Variants in FRMPD4 observed in about 807,000 individuals in gnomAD.
FRMPD4 encodes FERM and PDZ domain containing 4, also known as FERM and PDZ domain-containing protein 4.
A neutral mutation model predicts 94.1 loss-of-function variants in FRMPD4; 22 were observed. That is an observed-to-expected ratio of 0.23 (90% CI 0.17 to 0.33). The LOEUF is 0.33. Among genes scored for constraint, FRMPD4 ranks in the 10% least tolerant of loss-of-function variants. The pLI, the probability that FRMPD4 is intolerant of heterozygous loss-of-function variation, is 1.00. For missense variants in FRMPD4, 1,111 were observed against 1,339.9 expected, an observed-to-expected ratio of 0.83 and a Z score of 2.67; for synonymous variants, 631 against 548.6, an observed-to-expected ratio of 1.15 and a Z score of -2.10.
intron 2 of FRMPD4, among the ~76,000 whole-genome samples, chrX:12,591,984 C>A (rs1195111423): frequency 9.0e-6 from 1 of 111,547 alleles, no homozygotes; most frequent in Non-Finnish European, 1.9e-5. Flanking sequence ...TCATAGAAAC[C>A]AGATTTCCTC....
At chrX:12,100,982 C>T (rs958558283) in intron 3 of FRMPD4, among the ~76,000 whole-genome samples, 5 of 112,071 alleles carry the variant, frequency 4.5e-5, no homozygotes, top group African/African-American at 6.5e-5. Flanking sequence ...CTCTTACAAA[C>T]GTATTTAAGA....
chrX:12,565,794 A>G (rs1293070429), intron 2 of FRMPD4, among the ~76,000 whole-genome samples: 1 of 112,144 alleles, frequency 8.9e-6, no homozygotes, highest in Admixed American at 9.5e-5. Context: ...CAAATGTACC[A>G]TGCCAACATA....
rs140302200 is a variant in FRMPD4 at position 12,695,699 on chromosome X, G to A, written c.933+1245G>A. 3.7e-3 allele frequency among the ~76,000 whole-genome samples: 397 copies of A among 106,252 alleles called. 4 individuals are homozygous for A. Among genetic ancestry groups the A allele is most frequent in the African/African-American group, 0.013 (376 of 28,897 alleles). The allele number at this position is 106,252 out of a possible 115,157, so 92.3% of individuals were successfully genotyped here. On this transcript the variant is annotated intron_variant, in intron 9 of 16. Transcript: ENST00000675598. ...ATTACAGGCGTGAGCCACCGTGCCC[G>A]GCCTGTAACTCTTATTATCTTCTTC...
intron 1 of FRMPD4, among the ~76,000 whole-genome samples, chrX:12,261,508 C>T (rs1040345154): frequency 1.8e-5 from 2 of 111,498 alleles, no homozygotes; most frequent in African/African-American, 3.3e-5. Flanking sequence ...GAAGAGACTA[C>T]TGGAAGCTAA....
At chrX:12,538,854 A>G (rs1332428343) in intron 2 of FRMPD4, among the ~76,000 whole-genome samples, 3 of 108,361 alleles carry the variant, frequency 2.8e-5, no homozygotes, top group African/African-American at 9.8e-5. Context: ...AAAGATGGGG[A>G]AAAAACATAG....
At chrX:12,258,415 T>G (rs1243333664) in intron 1 of FRMPD4, among the ~76,000 whole-genome samples, 3 of 111,297 alleles carry the variant, frequency 2.7e-5, no homozygotes, top group African/African-American at 9.8e-5. Flanking sequence ...TCTCTTACCA[T>G]GTGATGCCTT....
chrX:12,588,858 A>AT (rs753388591), intron 2 of FRMPD4, among the ~76,000 whole-genome samples: 1 of 112,275 alleles, frequency 8.9e-6, no homozygotes, highest in Middle Eastern at 4.2e-3. Flanking sequence ...ACACACATAC[A>AT]TTTTTTTCTT....
At chrX:12,367,020 G>A (rs1440589950) in intron 1 of FRMPD4, among the ~76,000 whole-genome samples, 1 of 111,599 alleles carries the variant, frequency 9.0e-6, no homozygotes, top group Non-Finnish European at 1.9e-5. Flanking sequence ...CACAGACTCT[G>A]CACTTCAGGC....
At chrX:12,120,172 G>A (rs1256584879) in intron 3 of FRMPD4, among the ~76,000 whole-genome samples, 2 of 112,052 alleles carry the variant, frequency 1.8e-5, no homozygotes, top group Non-Finnish European at 3.8e-5. Flanking sequence ...TATAAGAAAA[G>A]AGAACTATGT....
At chrX:12,692,502 C>T (rs1218791340) in intron 8 of FRMPD4, among the ~76,000 whole-genome samples, 1 of 112,223 alleles carries the variant, frequency 8.9e-6, no homozygotes, top group East Asian at 2.8e-4. Flanking sequence ...CCCAATGGAA[C>T]TTTTAAGCAA....
chrX:12,509,521 G>A (rs762058960), intron 2 of FRMPD4, among the ~76,000 whole-genome samples: 192 of 111,864 alleles, frequency 1.7e-3, no homozygotes, highest in African/African-American at 5.9e-3. Context: ...ACTCATAAGT[G>A]GGAGCTAAGC....
intron 3 of FRMPD4, among the ~76,000 whole-genome samples, chrX:12,005,244 C>T (rs1191371609): frequency 5.5e-5 from 6 of 108,339 alleles, no homozygotes; most frequent in Non-Finnish European, 1.2e-4. Flanking sequence ...ACCCCACTCC[C>T]ACAGGTTCCG....
intron 2 of FRMPD4, among the ~76,000 whole-genome samples, chrX:12,596,614 G>C (rs1045171634): frequency 5.5e-5 from 6 of 109,910 alleles, no homozygotes; most frequent in African/African-American, 2.0e-4. Context: ...CTAGCTTCTA[G>C]CGGGAGTGCA....
At chrX:12,071,267 T>C (rs1229013486) in intron 3 of FRMPD4, among the ~76,000 whole-genome samples, 1 of 110,124 alleles carries the variant, frequency 9.1e-6, no homozygotes, top group African/African-American at 3.3e-5. Flanking sequence ...ATGTCCCTCT[T>C]GCACCTTTCC....
intron 1 of FRMPD4, among the ~76,000 whole-genome samples, chrX:12,381,712 C>T (rs761171536): frequency 8.9e-6 from 1 of 112,012 alleles, no homozygotes; most frequent in African/African-American, 3.2e-5. Flanking sequence ...TATAAATGGA[C>T]TGCTGACACG....
At chrX:12,378,050 C>T (rs1282184855) in intron 1 of FRMPD4, among the ~76,000 whole-genome samples, 2 of 112,207 alleles carry the variant, frequency 1.8e-5, no homozygotes, top group Non-Finnish European at 1.9e-5. Flanking sequence ...CCTCAGTGCG[C>T]ACCCAAGGTA....
chrX:12,434,915 G>A (rs924502303), intron 1 of FRMPD4, among the ~76,000 whole-genome samples: 3 of 112,601 alleles, frequency 2.7e-5, no homozygotes, highest in African/African-American at 9.7e-5. Flanking sequence ...CATGTTAATT[G>A]TAGGATCTTT....
intron 3 of FRMPD4, among the ~76,000 whole-genome samples, chrX:11,925,621 T>A (rs1029185936): frequency 2.7e-5 from 3 of 111,838 alleles, no homozygotes; most frequent in South Asian, 3.7e-4. Context: ...TACAATTACA[T>A]GGAAATCGAA....
At chrX:12,615,026 C>T (rs1188338968) in intron 4 of FRMPD4, 145 bp downstream of exon 4, 1 of 345,298 alleles carries the variant, frequency 2.9e-6, no homozygotes, top group East Asian at 4.4e-5. Context: ...GAAAATGCTG[C>T]TGACACTGAC....
Sources: allele counts gnomAD v4.1 joint callset (sites outside exome capture counted in the v4.1 genomes callset), GRCh38; gene constraint gnomAD v4.1.1; transcripts MANE v1.5; gene names NCBI Gene and HGNC (gene_info 2026-07-23, HGNC 2026-07-21).